The following DPP6 variants were observed in gnomAD, a reference collection of about 807,000 sequenced individuals.
DPP6 encodes A-type potassium channel modulatory protein DPP6.
In DPP6, 69 loss-of-function variants were observed where a neutral mutation model predicts 122.6. That is an observed-to-expected ratio of 0.56 (90% confidence interval 0.46 to 0.69). DPP6 has a LOEUF of 0.69. DPP6 is among the 30% of genes least tolerant of loss of function. The probability of loss-of-function intolerance (pLI) is 0.00; values close to 1 mark genes in which losing one functional copy is unlikely to be tolerated. For missense variants in DPP6, 928 were observed against 1,116.9 expected (o/e 0.83, Z 2.41); for synonymous variants, 418 against 433.1 (o/e 0.97, Z 0.43).
chr7:154,529,642 G>A (rs527951654), intron 3 of DPP6, among the ~76,000 whole-genome samples: 51 of 152,112 alleles, frequency 3.4e-4, no homozygotes, highest in Admixed American at 2.0e-4. Context: ...TATCCTCAAC[G>A]AATTAACATA....
chr7:153,749,052 C>T, the DPP6 span, among the ~76,000 whole-genome samples: 1 of 152,066 alleles, frequency 6.6e-6, no homozygotes, highest in African/African-American at 2.4e-5. This position sits in a 1 kb window ranked among gnomAD's most constrained non-coding sequence, Gnocchi z 4.1. Flanking sequence ...GGGCGTGGGG[C>T]GCAGATGGAG....
intron 1 of DPP6, among the ~76,000 whole-genome samples, chr7:154,322,607 C>T (rs1291916640): frequency 1.3e-5 from 2 of 152,138 alleles, no homozygotes; most frequent in African/African-American, 4.8e-5. Context: ...TTTTCAGTGG[C>T]GGGGGAAATA....
the DPP6 span, among the ~76,000 whole-genome samples, chr7:153,828,658 C>T: frequency 3.9e-5 from 6 of 152,042 alleles, no homozygotes; most frequent in Admixed American, 6.6e-5. Context: ...TTTGTATGTG[C>T]GTGGGGAATT....
chr7:154,027,096 T>C (rs1478232579), intron 1 of DPP6: 4 of 148,416 alleles, frequency 2.7e-5, no homozygotes, highest in African/African-American at 1.0e-4. Flanking sequence ...GTAAAAGCTT[T>C]GAAATTTAAT....
At chr7:154,860,261 G>C (rs78979781) in intron 17 of DPP6, among the ~76,000 whole-genome samples, 2,366 of 152,160 alleles carry the variant, frequency 0.016, 59 homozygotes, top group African/African-American at 0.054. Flanking sequence ...CTTCCATCAA[G>C]CACAGGGCGC....
chr7:154,020,163 A>G (rs568073147), intron 1 of DPP6, among the ~76,000 whole-genome samples: 12 of 152,252 alleles, frequency 7.9e-5, no homozygotes, highest in African/African-American at 2.6e-4. Flanking sequence ...AGATGTCAAG[A>G]TGTCGTTTTG....
chr7:154,358,229 G>A (rs749367500), intron 1 of DPP6, among the ~76,000 whole-genome samples: 15 of 152,190 alleles, frequency 9.9e-5, no homozygotes, highest in South Asian at 2.1e-4. Flanking sequence ...CTGCTCAGCC[G>A]TGCAGCCTAG....
At chr7:154,484,306 A>G (rs1454636577) in intron 3 of DPP6, among the ~76,000 whole-genome samples, 2 of 152,220 alleles carry the variant, frequency 1.3e-5, no homozygotes, top group Non-Finnish European at 1.5e-5. Flanking sequence ...CTGCTCAGGT[A>G]GCTGATGCCA....
chr7:154,483,776 C>G lies in DPP6; in HGVS notation c.457+8739C>G, dbSNP rs183736726. Among the ~76,000 whole-genome samples, 2 of 152,318 alleles carry G rather than the reference C, an allele frequency of 1.3e-5. No homozygotes were observed. Among genetic ancestry groups the G allele is most frequent in the Non-Finnish European group, 2.9e-5 (2 of 68,020 alleles). On this transcript the variant is annotated intron_variant, in intron 3 of 25. Transcript: ENST00000377770. The surrounding 1 kb of genome is among the most constrained non-coding windows in gnomAD (Gnocchi z 8.1). ...GTGGCACAATCTTGGCTCACTGCAACCTCCACCTCCCGGGTTCAAGCGATT... is the reference window on the plus strand; with the variant it reads ...GTGGCACAATCTTGGCTCACTGCAAGCTCCACCTCCCGGGTTCAAGCGATT...
In DPP6 at chr7:154,474,971, G is replaced by T. The variant is rs1365296761; in HGVS notation, c.391G>T (p.Val131Phe). The change falls in exon 3 of 26, where the codon GTC becomes TTC. Residue 131 changes from valine (V) to phenylalanine (F), a missense_variant. Transcript: ENST00000377770. ...EDNSLSQKKK[V>F]TVEDLFSEDF... The stretch of plus-strand genomic sequence containing the variant: ...TAATAGTCTGTCTCAAAAGAAGAAG[G>T]TCACTGTAGAAGATCTCTTCAGTGA... The T allele has an allele frequency of 6.2e-7, 1 of 1,613,582 alleles. No homozygotes were observed.
At chr7:154,608,343 T>TATATATATA (rs1404548976) in intron 5 of DPP6, among the ~76,000 whole-genome samples, 2 of 78,376 alleles carry the variant, frequency 2.6e-5, no homozygotes, top group Admixed American at 3.2e-4. Context: ...ATATATATAT[T>TATATATATA]TTGAGATGGA....
intron 10 of DPP6, among the ~76,000 whole-genome samples, chr7:154,789,232 G>A (rs1797523758): frequency 6.6e-6 from 1 of 152,150 alleles, no homozygotes; most frequent in Non-Finnish European, 1.5e-5. Context: ...TCTGGGCTGA[G>A]TTGACATTTT....
At chr7:153,822,486 C>T in the DPP6 span, among the ~76,000 whole-genome samples, 2 of 152,146 alleles carry the variant, frequency 1.3e-5, no homozygotes, top group South Asian at 2.1e-4. Flanking sequence ...CCACTGTGCC[C>T]GGTTAATCAT....
intron 1 of DPP6, among the ~76,000 whole-genome samples, chr7:154,016,022 C>T (rs1343784723): frequency 1.3e-5 from 2 of 152,300 alleles, no homozygotes; most frequent in Non-Finnish European, 2.9e-5. Flanking sequence ...CATATCGGCC[C>T]ACGTTCTATT....
intron 1 of DPP6, among the ~76,000 whole-genome samples, chr7:154,017,736 A>T (rs1262103011): frequency 2.0e-5 from 3 of 150,574 alleles, no homozygotes; most frequent in Non-Finnish European, 4.4e-5. Context: ...ATAAAAAAAA[A>T]AAAAAGAAAA....
At chr7:154,044,430 T>C (rs1050798114) in intron 1 of DPP6, among the ~76,000 whole-genome samples, 4 of 152,218 alleles carry the variant, frequency 2.6e-5, no homozygotes, top group African/African-American at 9.7e-5. Context: ...TATGCATGAA[T>C]CAGGGTTTTG....
intron 12 of DPP6, among the ~76,000 whole-genome samples, chr7:154,796,610 A>G (rs73728241): frequency 4.7e-4 from 71 of 152,360 alleles, no homozygotes; most frequent in African/African-American, 1.7e-3. Flanking sequence ...TAAGGGGATG[A>G]AAATTGTCTT....
At chr7:154,072,464 A>G (rs1803185690) in intron 1 of DPP6, among the ~76,000 whole-genome samples, 1 of 152,266 alleles carries the variant, frequency 6.6e-6, no homozygotes, top group Non-Finnish European at 1.5e-5. Flanking sequence ...CCTTTTTGTC[A>G]TGAGAAAGCT....
chr7:153,920,294 G>A (rs554631730), intron 1 of DPP6, among the ~76,000 whole-genome samples: 6 of 152,254 alleles, frequency 3.9e-5, no homozygotes, highest in African/African-American at 1.2e-4. Flanking sequence ...TCCTGTGTCC[G>A]GGTCTTCCCA....
Sources: allele counts gnomAD v4.1 joint callset (sites outside exome capture counted in the v4.1 genomes callset), GRCh38; gene constraint gnomAD v4.1.1; non-coding constraint Gnocchi (gnomAD v3.1); transcripts MANE v1.5; gene names NCBI Gene and HGNC (gene_info 2026-07-23, HGNC 2026-07-21).